The following SALL4 variants were observed in gnomAD, a reference collection of about 807,000 sequenced individuals.
The protein encoded by SALL4 is sal-like protein 4.
A neutral mutation model predicts 60.8 loss-of-function variants in SALL4; 4 were observed. The observed-to-expected ratio is 0.07, with a 90% CI of 0.03 to 0.15. The LOEUF (loss-of-function observed/expected upper bound fraction) is 0.15. Among genes scored for constraint, SALL4 ranks in the 10% least tolerant of loss-of-function variants. SALL4 has a pLI of 1.00. For missense variants in SALL4, 1,178 were observed against 1,394.7 expected (o/e 0.84, Z 2.48); for synonymous variants, 580 against 574.9 (o/e 1.01, Z -0.13).
rs1245069476 is a variant in SALL4 at position 51,788,621 on chromosome 20, G to A, written c.2742+240C>T. On this transcript the variant is annotated intron_variant, in intron 3 of 3. Coordinates refer to ENST00000217086, the MANE Select transcript of SALL4 (RefSeq NM_020436.5). The surrounding 1 kb of genome is among the most constrained non-coding windows in gnomAD (Gnocchi z 4.1). The stretch of plus-strand genomic sequence containing the variant: ...CAGGAGAATGGCATGAACCCGGGAG[G>A]AGGAGCTTGCAGTGAGCTTGAGCTT... Among the ~76,000 whole-genome samples the A allele has an allele frequency of 2.0e-5, 3 of 152,132 alleles. No homozygotes were observed. The highest frequency in any genetic ancestry group is 7.2e-5 in the African/African-American group (3 of 41,422).
rs956830243 is a variant in SALL4 at position 51,783,618 on chromosome 20, G to C, written c.*647C>G. ...TTCCAACGATTCTACCTTGAAATAG[G>C]TAACAGTCTTTGGAAAAAGTCACTC... On this transcript the variant is annotated 3_prime_UTR_variant, in exon 4 of 4. Transcript: ENST00000217086. 6 of 152,758 alleles carry C rather than the reference G, an allele frequency of 3.9e-5. No individual in the cohort carries two copies. Among genetic ancestry groups the C allele is most frequent in the Admixed American group, 3.9e-4 (6 of 15,380 alleles). The allele number at this position is 152,758 out of a possible 1,614,324, so 9.5% of individuals were successfully genotyped here.
rs765767916 is a variant in SALL4 at position 51,784,644 on chromosome 20, C to T, written c.2783G>A (p.Arg928His). The change falls in exon 4 of 4, where the codon CGC (arginine) becomes CAC (histidine). Residue 928 changes from arginine (R) to histidine (H), a missense_variant. Coordinates refer to ENST00000217086, the MANE Select transcript of SALL4 (RefSeq NM_020436.5). ...CTCGATGGCCAACTTCCTTCCACGGCGGGCTGAGTTATTGTTCGCCCCGTG... is the reference window on the plus strand; with the variant it reads ...CTCGATGGCCAACTTCCTTCCACGGTGGGCTGAGTTATTGTTCGCCCCGTG... The part of the protein sequence containing the change: ...MTHGANNNSA[R>H]RGRKLAIENT... 6.2e-7 allele frequency: 1 copy of T among 1,614,176 alleles called. No individual in the cohort carries two copies. Among genetic ancestry groups the T allele is most frequent in the Non-Finnish European group, 8.5e-7 (1 of 1,180,030 alleles).
At position 51,791,965 on chromosome 20, in the gene SALL4, T is replaced by G. The variant is rs1311864418; in HGVS notation, c.518A>C (p.Lys173Thr). ...CACATTAGTGTTGGCCACTTTGCCTTTGGCTAAATAGCTTATGTCCTGGGG... is the reference window on the plus strand; with the variant it reads ...CACATTAGTGTTGGCCACTTTGCCTGTGGCTAAATAGCTTATGTCCTGGGG... Reference protein sequence around the residue: ...PTPQDISYLAKGKVANTNVTL... With the variant: ...PTPQDISYLATGKVANTNVTL... Residue 173 changes from lysine to threonine, a missense_variant, in exon 2 of 4, where the codon AAA becomes ACA. Lys to Thr is a moderately conservative substitution (Grantham distance 78, BLOSUM62 -1). Transcript: ENST00000217086. This position sits in a 1 kb window ranked among gnomAD's most constrained non-coding sequence, Gnocchi z 4.6. 1 of 1,614,228 alleles carries G rather than the reference T, an allele frequency of 6.2e-7. No individual in the cohort carries two copies. Among genetic ancestry groups the G allele is most frequent in the African/African-American group, 1.3e-5 (1 of 75,072 alleles).
At chr20:51,800,280 T>A (rs1162574430) in intron 1 of SALL4, among the ~76,000 whole-genome samples, 2 of 152,098 alleles carry the variant, frequency 1.3e-5, no homozygotes, top group Non-Finnish European at 2.9e-5. Context: ...AGCCAGTACC[T>A]GCGAAGGGAC....
chr20:51,784,538 A>G lies in SALL4; in HGVS notation c.2889T>C (p.Asn963=). 5.0e-6 allele frequency: 8 copies of G among 1,614,136 alleles called. No individual in the cohort carries two copies. The highest frequency in any genetic ancestry group is 6.8e-6 in the Non-Finnish European group (8 of 1,180,016). ...ACTGGTTCCACACAACAGGGTCCAC[A>G]TTCACTGAAGGGGCCAGGATTTCCT... ...FPKEILAPSV[N]VDPVVWNQYT... Residue 963 remains asparagine, a synonymous_variant, in exon 4 of 4, where the codon AAT becomes AAC. Coordinates refer to ENST00000217086, the MANE Select transcript of SALL4 (RefSeq NM_020436.5).
chr20:51,793,629 A>G (rs1030545454), intron 1 of SALL4, among the ~76,000 whole-genome samples: 5 of 152,106 alleles, frequency 3.3e-5, no homozygotes, highest in African/African-American at 1.2e-4. Flanking sequence ...GGGTTTCACC[A>G]TGTTGGCCAG....
chr20:51,791,022 C>T lies in SALL4; in HGVS notation c.1461G>A (p.Gln487=). ...TGGGATTAGTCCCCGAAGAAAGATTCTGAGGTAGCCCTACAGAGGTGGTTA... is the reference window on the plus strand; with the variant it reads ...TGGGATTAGTCCCCGAAGAAAGATTTTGAGGTAGCCCTACAGAGGTGGTTA... ...VLVTTSVGLP[Q]NLSSGTNPKD... Residue 487 remains glutamine (Q), a synonymous_variant, in exon 2 of 4, where the codon CAG becomes CAA. Coordinates refer to ENST00000217086, the MANE Select transcript of SALL4 (RefSeq NM_020436.5). This position sits in a 1 kb window ranked among gnomAD's most constrained non-coding sequence, Gnocchi z 4.6. 2 of 1,614,170 alleles carry T rather than the reference C, an allele frequency of 1.2e-6. No homozygotes were observed. The highest frequency in any genetic ancestry group is 1.6e-4 in the Middle Eastern group (1 of 6,062).
chr20:51,785,675 G>T (rs952409468), intron 3 of SALL4, among the ~76,000 whole-genome samples: 1 of 151,724 alleles, frequency 6.6e-6, no homozygotes, highest in South Asian at 2.1e-4. Flanking sequence ...ACGGAGTCTC[G>T]CTCTGTCGCC....
In SALL4 at chr20:51,790,687, C is replaced by T. The variant is rs1056779740; in HGVS notation, c.1796G>A (p.Cys599Tyr). ...TGERPFQCKI[C>Y]GRAFSTKGNL... ...ACCTTTGGTAGAAAAGGCTCGGCCA[C>T]AGATCTTACACTGGAACGGTCTCTC... The change falls in exon 2 of 4, where the codon TGT becomes TAT. Residue 599 changes from cysteine (C) to tyrosine (Y), a missense_variant. Cys to Tyr is a radical substitution (Grantham distance 194). Around this residue, in one of 5 missense-constraint regions of SALL4, gnomAD observed 853 missense variants for 1,036.8 expected, o/e 0.82. Coordinates refer to ENST00000217086, the MANE Select transcript of SALL4 (RefSeq NM_020436.5). This position sits in a 1 kb window ranked among gnomAD's most constrained non-coding sequence, Gnocchi z 5.5. 1.2e-6 allele frequency: 2 copies of T among 1,614,162 alleles called. No individual in the cohort carries two copies. Among genetic ancestry groups the T allele is most frequent in the South Asian group, 1.1e-5 (1 of 91,072 alleles).
chr20:51,794,204 T>G (rs1418516608), intron 1 of SALL4, among the ~76,000 whole-genome samples: 1 of 152,212 alleles, frequency 6.6e-6, no homozygotes, highest in Non-Finnish European at 1.5e-5. Context: ...GGTGAAAAGA[T>G]GAGCCCCATT....
In SALL4 at chr20:51,790,499, G is replaced by C; in HGVS notation, c.1984C>G (p.Pro662Ala). Residue 662 changes from proline (P) to alanine (A), a missense_variant, in exon 2 of 4, where the codon CCC becomes GCC. Pro to Ala is a conservative substitution (Grantham distance 27). This residue lies in a region of SALL4 where 853 missense variants were observed against 1,036.8 expected (regional missense o/e 0.82). Coordinates refer to ENST00000217086, the MANE Select transcript of SALL4 (RefSeq NM_020436.5). The surrounding 1 kb of genome is among the most constrained non-coding windows in gnomAD (Gnocchi z 5.5). ...QIPNTPLPEN[P>A]CDFTGSEPMT... ...GGCTCAGAACCCGTAAAGTCACAGGGATTCTCTGGCAGGGGCGTGTTGGGA... is the reference window on the plus strand; with the variant it reads ...GGCTCAGAACCCGTAAAGTCACAGGCATTCTCTGGCAGGGGCGTGTTGGGA... 6.2e-7 allele frequency: 1 copy of C among 1,614,138 alleles called. No individual in the cohort carries two copies. The highest frequency in any genetic ancestry group is 8.5e-7 in the Non-Finnish European group (1 of 1,180,038).
chr20:51,791,621 C>T lies in SALL4; in HGVS notation c.862G>A (p.Ala288Thr), dbSNP rs746545323. 2.5e-6 allele frequency: 4 copies of T among 1,613,828 alleles called. No homozygotes were observed. The Admixed American group carries it at 6.7e-5, about 27-fold the overall frequency. Residue 288 changes from alanine to threonine, a missense_variant, in exon 2 of 4, where the codon GCC becomes ACC. Physicochemically the swap from Ala to Thr is moderately conservative, Grantham distance 58 (BLOSUM62 0). Around this residue, in one of 5 missense-constraint regions of SALL4, gnomAD observed 853 missense variants for 1,036.8 expected, o/e 0.82. Transcript: ENST00000217086. This position sits in a 1 kb window ranked among gnomAD's most constrained non-coding sequence, Gnocchi z 4.6. ...TGAGGTAGCTTGGCTTGTTTCAAGG[C>T]ATCCAGAGACAGACCTTGGCTTCCA... ...KAGSQGLSLDALKQAKLPHAN... is the reference protein window; with the variant it reads ...KAGSQGLSLDTLKQAKLPHAN...
rs1396153076 is a variant in SALL4, at chr20:51,792,619, G to T, written c.131-267C>A. 7 of 566,028 alleles carry T rather than the reference G, an allele frequency of 1.2e-5. No homozygotes were observed. In the East Asian group the frequency reaches 3.4e-4, roughly 28 times the overall value. 35.1% of individuals were successfully genotyped at this position (566,028 alleles called of 1,614,324 possible). ...CTCAAGAATTGCTTGAACCCAGGAG[G>T]CAGAGGTTGCAGTGAGCTGAGATCC... On this transcript the variant is annotated intron_variant, in intron 1 of 3. Coordinates refer to ENST00000217086, the MANE Select transcript of SALL4 (RefSeq NM_020436.5).
chr20:51,794,884 T>A (rs539945614), intron 1 of SALL4, among the ~76,000 whole-genome samples: 1 of 152,252 alleles, frequency 6.6e-6, no homozygotes, highest in East Asian at 1.9e-4. Context: ...CCTCTGATCA[T>A]GTTTCTTCTG....
intron 1 of SALL4, 51 bp downstream of exon 1, chr20:51,802,228 C>T (rs1483277313): frequency 6.5e-7 from 1 of 1,539,178 alleles, no homozygotes; most frequent in Non-Finnish European, 8.7e-7. Flanking sequence ...GAGGATCCCG[C>T]GTACGTCCGG....
At position 51,801,971 on chromosome 20, in the gene SALL4, G is replaced by A. The variant is rs1650882517; in HGVS notation, c.130+308C>T. Among the ~76,000 whole-genome samples the A allele has an allele frequency of 6.6e-6, 1 of 151,954 alleles. No individual in the cohort carries two copies. The highest frequency in any genetic ancestry group is 2.1e-4 in the South Asian group (1 of 4,830). ...AGTGGAACCAATTAAGTGAGGGGCA[G>A]AGGACAAGGAGAAGGGAACCTTTCG... On this transcript the variant is annotated intron_variant, in intron 1 of 3. Coordinates refer to ENST00000217086, the MANE Select transcript of SALL4 (RefSeq NM_020436.5). The surrounding 1 kb of genome is among the most constrained non-coding windows in gnomAD (Gnocchi z 5.2).
intron 1 of SALL4, among the ~76,000 whole-genome samples, chr20:51,797,085 A>G (rs1429969298): frequency 6.6e-6 from 1 of 152,042 alleles, no homozygotes; most frequent in Non-Finnish European, 1.5e-5. Flanking sequence ...TCAATGATGA[A>G]TATAAGCAAC....
Position 51,790,276 on chromosome 20 carries a change from A to G in SALL4, c.2207T>C (p.Val736Ala), listed in dbSNP as rs1251025121. 1.9e-6 allele frequency: 3 copies of G among 1,614,164 alleles called. No individual in the cohort carries two copies. The highest frequency in any genetic ancestry group is 2.5e-6 in the Non-Finnish European group (3 of 1,180,036). ...MMASLDAPGKVGPAPFNLQRQ... is the reference protein window; with the variant it reads ...MMASLDAPGKAGPAPFNLQRQ... ...CTGCAGGTTAAAAGGGGCAGGACCC[A>G]CTTTCCCTGGGGCATCTAAGGAAGC... Residue 736 changes from valine to alanine, a missense_variant, in exon 2 of 4, where the codon GTG becomes GCG. Around this residue, in one of 5 missense-constraint regions of SALL4, gnomAD observed 853 missense variants for 1,036.8 expected, o/e 0.82. Transcript: ENST00000217086. The surrounding 1 kb of genome is among the most constrained non-coding windows in gnomAD (Gnocchi z 5.5).
intron 2 of SALL4, among the ~76,000 whole-genome samples, chr20:51,789,496 T>A (rs2078019070): frequency 6.6e-6 from 1 of 152,202 alleles, no homozygotes; most frequent in South Asian, 2.1e-4. Context: ...TTACCATTAA[T>A]GACATCAACA....
Sources: allele counts gnomAD v4.1 joint callset (sites outside exome capture counted in the v4.1 genomes callset), GRCh38; gene constraint gnomAD v4.1.1; regional missense constraint gnomAD v4.1.1; non-coding constraint Gnocchi (gnomAD v3.1); transcripts MANE v1.5; gene names NCBI Gene and HGNC (gene_info 2026-07-23, HGNC 2026-07-21).